Variants in BTBD1 observed in about 807,000 individuals in gnomAD.
BTBD1 encodes BTB/POZ domain-containing protein 1.
In BTBD1, 34 loss-of-function variants were observed where a neutral mutation model predicts 48.0. The ratio of observed to expected loss-of-function variants is 0.71; its 90% CI spans 0.54 to 0.94. The LOEUF (loss-of-function observed/expected upper bound fraction) is 0.94, where lower values mean the gene tolerates loss of function less well. Ranked by LOEUF, BTBD1 falls within the 40% of genes least tolerant of loss-of-function variation. BTBD1 has a pLI of 0.00. For missense variants in BTBD1, 543 were observed against 625.6 expected (o/e 0.87, Z 1.41); for synonymous variants, 261 against 242.1 (o/e 1.08, Z -0.72).
intron 1 of BTBD1, among the ~76,000 whole-genome samples, chr15:83,060,686 C>T (rs183344071): frequency 2.0e-5 from 3 of 151,968 alleles, no homozygotes; most frequent in African/African-American, 7.3e-5. Context: ...CCCAGCTATT[C>T]GGGAGGCTAA....
chr15:83,066,643 G>C (rs1229020726), intron 1 of BTBD1, 108 bp downstream of exon 1: 48 of 1,196,868 alleles, frequency 4.0e-5, no homozygotes, highest in Non-Finnish European at 4.9e-5. Context: ...GGTCAGAAGA[G>C]CCCAGCCCAA....
chr15:83,038,566 C>CA lies in BTBD1; in HGVS notation c.862+3161dup, dbSNP rs576350804. On this transcript the variant is annotated intron_variant, in intron 4 of 7. Coordinates refer to ENST00000261721, the MANE Select transcript of BTBD1 (RefSeq NM_025238.4). ...AAAATATTCTAAAATATGCATGGAA[C>CA]AAAAAAAAAGCCTAAATAGCCAAAG... is the stretch of plus-strand genomic sequence containing the variant. Among the ~76,000 whole-genome samples the CA allele has an allele frequency of 5.1e-4, 77 of 149,938 alleles. 1 individual carries two copies. The South Asian group carries it at 8.4e-3, about 16-fold the overall frequency.
chr15:83,021,231 G>A (rs532670190), intron 5 of BTBD1, among the ~76,000 whole-genome samples: 97 of 152,276 alleles, frequency 6.4e-4, no homozygotes, highest in African/African-American at 2.2e-3. Context: ...CAGTCTAATG[G>A]AGGACACTGA....
At chr15:83,020,458 C>T (rs558370591) in intron 6 of BTBD1, 329 of 450,280 alleles carry the variant, frequency 7.3e-4, no homozygotes, top group Non-Finnish European at 8.1e-4. Context: ...AAGAAGAGCT[C>T]CTTATATGCT....
At position 83,020,683 on chromosome 15, in the gene BTBD1, T is replaced by A; in HGVS notation, c.1135A>T (p.Asn379Tyr). The change falls in exon 6 of 8, where the codon AAT becomes TAT. Residue 379 changes from asparagine to tyrosine, a missense_variant. By Grantham distance (143) the Asn-to-Tyr change is moderately radical. Transcript: ENST00000261721. ...GGGGGAGGAAACTGTACCTGTATAT[T>A]CACTTGATAATCTGTAGGGCCATGA... ...SIHGPTDYQVNIQIIEYEKKQ... is the reference protein window; with the variant it reads ...SIHGPTDYQVYIQIIEYEKKQ... The A allele has an allele frequency of 6.3e-7, 1 of 1,585,604 alleles. No homozygotes were observed. Among genetic ancestry groups the A allele is most frequent in the Non-Finnish European group, 8.7e-7 (1 of 1,155,434 alleles).
At chr15:83,020,633 G>T in intron 6 of BTBD1, 42 bp downstream of exon 6, 1 of 1,265,660 alleles carries the variant, frequency 7.9e-7, no homozygotes, top group South Asian at 1.3e-5. Flanking sequence ...TTACCTGTTT[G>T]TGTTATTTCA....
At chr15:83,030,420 C>T (rs533989068) in intron 4 of BTBD1, 92 bp from the exon 5 acceptor site, 70 of 1,075,102 alleles carry the variant, frequency 6.5e-5, no homozygotes, top group African/African-American at 4.3e-4. Context: ...ATCTAGAGGA[C>T]GTAACATAAA....
At chr15:83,056,865 T>C (rs1396216097) in intron 1 of BTBD1, among the ~76,000 whole-genome samples, 2 of 151,930 alleles carry the variant, frequency 1.3e-5, no homozygotes, top group Non-Finnish European at 2.9e-5. Flanking sequence ...ACCTGGCTAA[T>C]TTTTTATTTT....
chr15:83,049,395 T>C (rs1250586216), intron 3 of BTBD1, among the ~76,000 whole-genome samples: 1 of 152,224 alleles, frequency 6.6e-6, no homozygotes, highest in Non-Finnish European at 1.5e-5. Context: ...AACATTATAA[T>C]GAAACGACAT....
In BTBD1 at chr15:83,067,244, G is replaced by A. The variant is rs931667153; in HGVS notation, c.-93C>T. The A allele has an allele frequency of 5.6e-6, 7 of 1,246,026 alleles. No individual in the cohort carries two copies. Among genetic ancestry groups the A allele is most frequent in the East Asian group, 3.1e-5 (1 of 31,942 alleles). 77.2% of individuals were successfully genotyped at this position (1,246,026 alleles called of 1,614,324 possible). ...GGCCGGCGCTGCCTCCCTGCCTTCC[G>A]GGAAAGGCGCTTCCGGGGGCCTCGC... On this transcript the variant is annotated 5_prime_UTR_variant, in exon 1 of 8. Coordinates refer to ENST00000261721, the MANE Select transcript of BTBD1 (RefSeq NM_025238.4).
intron 4 of BTBD1, among the ~76,000 whole-genome samples, chr15:83,036,398 C>T (rs574318120): frequency 2.5e-4 from 38 of 152,234 alleles, no homozygotes; most frequent in African/African-American, 8.7e-4. Context: ...GCTAGAACTA[C>T]AAAAACTGAC....
chr15:83,056,636 A>T, intron 1 of BTBD1, 91 bp from the exon 2 acceptor site: 2 of 1,138,616 alleles, frequency 1.8e-6, no homozygotes, highest in East Asian at 5.0e-5. Context: ...GTATTTACTT[A>T]TATTTTTATT....
At chr15:83,056,949 G>A (rs2033097785) in intron 1 of BTBD1, among the ~76,000 whole-genome samples, 1 of 152,048 alleles carries the variant, frequency 6.6e-6, no homozygotes, top group South Asian at 2.1e-4. Context: ...TCCCACCTCA[G>A]CCTCAACTGT....
chr15:83,036,536 G>A (rs887062989), intron 4 of BTBD1, among the ~76,000 whole-genome samples: 13 of 152,096 alleles, frequency 8.5e-5, no homozygotes, highest in Admixed American at 3.3e-4. Context: ...ATCTACTAAA[G>A]CCGACCATAT....
At chr15:83,037,329 T>C (rs1413195395) in intron 4 of BTBD1, among the ~76,000 whole-genome samples, 1 of 152,180 alleles carries the variant, frequency 6.6e-6, no homozygotes. Flanking sequence ...CAGAAGCTCA[T>C]GGCCAGCCTG....
At chr15:83,058,214 C>T (rs2033119899) in intron 1 of BTBD1, among the ~76,000 whole-genome samples, 1 of 152,244 alleles carries the variant, frequency 6.6e-6, no homozygotes, top group Non-Finnish European at 1.5e-5. Flanking sequence ...TCCAGCTCCG[C>T]TGCGGCTTTG....
chr15:83,029,298 ACTGATT>A (rs1185248113), intron 5 of BTBD1, among the ~76,000 whole-genome samples: 6 of 152,236 alleles, frequency 3.9e-5, no homozygotes, highest in Non-Finnish European at 8.8e-5. Context: ...GAAAACCGGC[ACTGATT>A]CTATTTTGAC....
At chr15:83,049,443 T>G (rs2151309853) in intron 3 of BTBD1, among the ~76,000 whole-genome samples, 1 of 152,324 alleles carries the variant, frequency 6.6e-6, no homozygotes, top group South Asian at 2.1e-4. Flanking sequence ...TCTTTAAGGC[T>G]CATATCAGAA....
intron 5 of BTBD1, among the ~76,000 whole-genome samples, chr15:83,025,935 A>G (rs2032397571): frequency 6.6e-6 from 1 of 151,902 alleles, no homozygotes; most frequent in Non-Finnish European, 1.5e-5. Context: ...ACGCCCGGCT[A>G]ATTTTTTGTA....
Sources: gnomAD v4.1 joint callset for allele counts (sites outside exome capture counted in the v4.1 genomes callset) on GRCh38, gnomAD v4.1.1 for gene constraint, MANE v1.5 for transcripts, NCBI Gene and HGNC (gene_info 2026-07-23, HGNC 2026-07-21) for gene names.